FAM185A: variants seen among roughly 807,000 people sequenced by gnomAD.
FAM185A encodes the protein protein FAM185A.
Under a neutral mutation model 45.7 loss-of-function variants are expected in FAM185A, and 21 were observed. The observed-to-expected ratio is 0.46, with a 90% CI of 0.33 to 0.66. The LOEUF is 0.66. Among genes scored for constraint, FAM185A ranks in the 30% least tolerant of loss-of-function variants. The probability of loss-of-function intolerance (pLI) is 0.03; values close to 1 mark genes in which losing one functional copy is unlikely to be tolerated. For synonymous variants in FAM185A, 117 were observed against 194.0 expected, an observed-to-expected ratio of 0.60 and a Z score of 3.30; for missense variants, 305 against 485.4, an observed-to-expected ratio of 0.63 and a Z score of 3.49.
the FAM185A span, among the ~76,000 whole-genome samples, chr7:102,820,948 G>A: frequency 6.6e-6 from 1 of 152,164 alleles, no homozygotes; most frequent in Non-Finnish European, 1.5e-5. Flanking sequence ...GGTTCAAAGA[G>A]CCCCTTGCCA....
chr7:102,835,049 C>A, the FAM185A span, among the ~76,000 whole-genome samples: 2 of 152,096 alleles, frequency 1.3e-5, no homozygotes, highest in African/African-American at 2.4e-5. Context: ...AATAAAGATG[C>A]ACAAATGTAT....
intron 6 of FAM185A, among the ~76,000 whole-genome samples, chr7:102,782,517 T>C (rs1795475506): frequency 6.6e-6 from 1 of 152,156 alleles, no homozygotes; most frequent in South Asian, 2.1e-4. Flanking sequence ...AAGAAAAGAA[T>C]TTTCAACCCA....
At chr7:102,807,316 T>C (rs1784264445) in intron 7 of FAM185A, among the ~76,000 whole-genome samples, 1 of 152,206 alleles carries the variant, frequency 6.6e-6, no homozygotes, top group African/African-American at 2.4e-5. Context: ...TTTTTACCTA[T>C]GTCAAAACTT....
At chr7:102,783,638 T>C (rs1180764449) in intron 6 of FAM185A, among the ~76,000 whole-genome samples, 1 of 151,342 alleles carries the variant, frequency 6.6e-6, no homozygotes, top group African/African-American at 2.4e-5. Flanking sequence ...ATCTCTGGTA[T>C]GTCAAAGATA....
At chr7:102,838,799 G>A in the FAM185A span, among the ~76,000 whole-genome samples, 2 of 152,134 alleles carry the variant, frequency 1.3e-5, no homozygotes, top group African/African-American at 4.8e-5. Context: ...ACAATGCACT[G>A]CAGAAAGCCA....
chr7:102,756,862 C>A (rs1793778276), intron 2 of FAM185A, among the ~76,000 whole-genome samples: 2 of 133,510 alleles, frequency 1.5e-5, no homozygotes, highest in African/African-American at 5.9e-5. Context: ...AGAAGGCACA[C>A]TTGTTCTAAA....
the FAM185A span, among the ~76,000 whole-genome samples, chr7:102,842,349 A>T: frequency 3.0e-4 from 46 of 152,324 alleles, no homozygotes; most frequent in African/African-American, 1.1e-3. Context: ...AATAGAAATC[A>T]ATGTTGAGTT....
At chr7:102,810,713 C>A (rs112420437), downstream of FAM185A, among the ~76,000 whole-genome samples, 904 of 152,254 alleles carry the variant, frequency 5.9e-3, 9 homozygotes, top group African/African-American at 0.02. Flanking sequence ...CTGCCTCAGC[C>A]TCCTGAGTTG....
chr7:102,758,010 G>C lies in FAM185A; in HGVS notation c.654+64G>C, dbSNP rs561508090. 4.0e-5 allele frequency: 62 copies of C among 1,542,516 alleles called. No individual in the cohort carries two copies. In the African/African-American group the frequency reaches 7.7e-4, roughly 19 times the overall value. ...ACTTTGCTTCCATTTGGCTCACCAA[G>C]TTGGTAGGTTCTACAAAGTTCGTAG... is the stretch of plus-strand genomic sequence containing the variant. On this transcript the variant is annotated intron_variant, in intron 3 of 7. Transcript: ENST00000413034.
the FAM185A span, among the ~76,000 whole-genome samples, chr7:102,829,025 A>T: frequency 1.3e-5 from 2 of 152,208 alleles, no homozygotes; most frequent in Admixed American, 6.5e-5. Context: ...TGACTGGAAC[A>T]GCCAGGCTCT....
downstream of FAM185A, among the ~76,000 whole-genome samples, chr7:102,810,264 G>C (rs1181367046): frequency 6.6e-6 from 1 of 152,124 alleles, no homozygotes; most frequent in Non-Finnish European, 1.5e-5. Flanking sequence ...ACAGGGTCTT[G>C]CTCTGCCACT....
the FAM185A span, among the ~76,000 whole-genome samples, chr7:102,823,422 G>C: frequency 6.6e-6 from 1 of 152,188 alleles, no homozygotes; most frequent in African/African-American, 2.4e-5. Flanking sequence ...AAAGGGACAA[G>C]TAGGTGAGAC....
intron 5 of FAM185A, among the ~76,000 whole-genome samples, chr7:102,776,702 T>TAAAAAAAAAAAAAAAAAAAAA (rs72022042): frequency 1.0e-5 from 1 of 97,096 alleles, no homozygotes; most frequent in East Asian, 2.9e-4. Flanking sequence ...ACCCTGTCTC[T>TAAAAAAAAAAAAAAAAAAAAA]AAAAAAAAAA....
chr7:102,764,008 C>T (rs1049360809), intron 4 of FAM185A, among the ~76,000 whole-genome samples: 1 of 152,204 alleles, frequency 6.6e-6, no homozygotes, highest in African/African-American at 2.4e-5. Context: ...GGTCCATTAT[C>T]ACCCTGCCTC....
rs910136981 is a variant in FAM185A at position 102,808,652 on chromosome 7, G to A, written c.*250G>A. On this transcript the variant is annotated 3_prime_UTR_variant, in exon 8 of 8. Transcript: ENST00000413034. ...ATTTACAGCTATGTCTAGGTTCTCC[G>A]CTCAGGGAATCACAAGGCTAGAAAT... 2.5e-5 allele frequency: 9 copies of A among 357,332 alleles called. No homozygotes were observed. The highest frequency in any genetic ancestry group is 6.2e-5 in the African/African-American group (3 of 48,226). The allele number at this position is 357,332 out of a possible 1,614,324, so 22.1% of individuals were successfully genotyped here.
chr7:102,769,406 T>C (rs1207056412), intron 4 of FAM185A, among the ~76,000 whole-genome samples: 1 of 152,092 alleles, frequency 6.6e-6, no homozygotes, highest in East Asian at 1.9e-4. Context: ...CACTAATGAT[T>C]GGCTTTTTGA....
chr7:102,822,209 CA>C, the FAM185A span: 1 of 1,613,856 alleles, frequency 6.2e-7, no homozygotes. Flanking sequence ...GTAATCTGAA[CA>C]CAGAGCCAAA....
intron 7 of FAM185A, among the ~76,000 whole-genome samples, chr7:102,788,128 C>A (rs1795930835): frequency 6.6e-6 from 1 of 152,052 alleles, no homozygotes; most frequent in Non-Finnish European, 1.5e-5. Flanking sequence ...CCATGCCCGG[C>A]TAATTTTTTT....
intron 2 of FAM185A, chr7:102,754,977 G>C: frequency 4.4e-6 from 1 of 228,290 alleles, no homozygotes; most frequent in Non-Finnish European, 8.4e-6. Flanking sequence ...AATTATAACA[G>C]TAGCTCTTAC....
Sources: gnomAD v4.1 joint callset for allele counts (sites outside exome capture counted in the v4.1 genomes callset) on GRCh38, gnomAD v4.1.1 for gene constraint, MANE v1.5 for transcripts, NCBI Gene and HGNC (gene_info 2026-07-23, HGNC 2026-07-21) for gene names.